IQCM: variants seen among roughly 807,000 people sequenced by gnomAD.
The protein encoded by IQCM is IQ motif containing M.
IQCM carries 45 observed loss-of-function variants against 57.6 expected under a neutral mutation model. The ratio of observed to expected loss-of-function variants is 0.78; its 90% CI spans 0.62 to 1.00. The LOEUF is 1.00. Among genes scored for constraint, IQCM ranks in the 50% least tolerant of loss-of-function variants. The pLI is 0.00. For missense variants in IQCM, 468 were observed against 511.6 expected (o/e 0.91, Z 0.82); for synonymous variants, 148 against 158.9 (o/e 0.93, Z 0.51).
At chr4:149,767,913 T>C (rs536321466) in intron 2 of IQCM, among the ~76,000 whole-genome samples, 6 of 152,272 alleles carry the variant, frequency 3.9e-5, no homozygotes, top group South Asian at 4.1e-4. Context: ...TGGACTTTTA[T>C]AAATATAAAT....
chr4:149,615,549 ACGTT>A (rs2150062698), intron 8 of IQCM, among the ~76,000 whole-genome samples: 1 of 152,294 alleles, frequency 6.6e-6, no homozygotes, highest in African/African-American at 2.4e-5. Context: ...CAGAAGTGAA[ACGTT>A]TAAAGCATAA....
At chr4:149,598,340 A>G (rs1753964815) in intron 8 of IQCM, among the ~76,000 whole-genome samples, 1 of 152,220 alleles carries the variant, frequency 6.6e-6, no homozygotes, top group African/African-American at 2.4e-5. Context: ...GTGTGGAATA[A>G]GAAAGTAGGG....
chr4:149,806,999 A>G (rs946527774), intron 2 of IQCM, among the ~76,000 whole-genome samples: 1 of 151,958 alleles, frequency 6.6e-6, no homozygotes, highest in African/African-American at 2.4e-5. Context: ...CACTGATAAA[A>G]TAAATTGAAG....
intron 7 of IQCM, among the ~76,000 whole-genome samples, chr4:149,662,468 A>AT (rs1014266394): frequency 6.6e-6 from 1 of 151,850 alleles, no homozygotes; most frequent in East Asian, 1.9e-4. Flanking sequence ...ATGTTTCTTT[A>AT]TTTTTTTATC....
At chr4:149,761,700 C>T (rs11723100) in intron 2 of IQCM, among the ~76,000 whole-genome samples, 1 of 151,822 alleles carries the variant, frequency 6.6e-6, no homozygotes, top group African/African-American at 2.4e-5. Context: ...ATAGTTCCTA[C>T]GAAGAGTCTC....
At chr4:149,578,927 T>G (rs1032898288) in intron 9 of IQCM, among the ~76,000 whole-genome samples, 1 of 151,764 alleles carries the variant, frequency 6.6e-6, no homozygotes, top group Non-Finnish European at 1.5e-5. Context: ...GGATCCTTTG[T>G]CCCCCTTCCC....
At chr4:149,668,536 C>T (rs903133904) in intron 7 of IQCM, among the ~76,000 whole-genome samples, 4 of 152,138 alleles carry the variant, frequency 2.6e-5, no homozygotes, top group South Asian at 2.1e-4. Context: ...GGAGGGATAA[C>T]GTTAGGGGAA....
At chr4:149,790,262 A>C in intron 2 of IQCM, 1 of 260,912 alleles carries the variant, frequency 3.8e-6, no homozygotes, top group Admixed American at 5.6e-5. Context: ...TGATCAAATA[A>C]TGTGATGATA....
intron 13 of IQCM, among the ~76,000 whole-genome samples, chr4:149,428,016 A>G (rs1734577009): frequency 1.3e-5 from 2 of 151,882 alleles, no homozygotes; most frequent in Non-Finnish European, 2.9e-5. Context: ...AACTTATCCA[A>G]ATTAGAATAG....
At chr4:149,702,420 A>G (rs1372873306) in intron 5 of IQCM, among the ~76,000 whole-genome samples, 1 of 151,906 alleles carries the variant, frequency 6.6e-6, no homozygotes, top group African/African-American at 2.4e-5. Flanking sequence ...AATCAAATAC[A>G]TAAATAAATG....
At position 149,368,755 on chromosome 4, in the gene IQCM, T is replaced by C. The variant is rs181010333; in HGVS notation, c.1391-16689A>G. ...GAAAGGCACAAATTATATATATACA[T>C]GTATATATATATATACATATATATA... is the stretch of plus-strand genomic sequence containing the variant. On this transcript the variant is annotated intron_variant, in intron 13 of 13. Transcript: ENST00000636793. 4.4e-3 allele frequency among the ~76,000 whole-genome samples: 433 copies of C among 99,304 alleles called. 18 individuals are homozygous for C. Among genetic ancestry groups the C allele is most frequent in the East Asian group, 0.011 (33 of 3,126 alleles). The allele number at this position is 99,304 out of a possible 152,430, so 65.1% of individuals were successfully genotyped here. A position where few individuals can be genotyped will look rare whatever the true frequency, so the allele number is the denominator to read the frequency against.
intron 7 of IQCM, among the ~76,000 whole-genome samples, chr4:149,661,125 C>T (rs1205333381): frequency 6.6e-6 from 1 of 151,984 alleles, no homozygotes; most frequent in African/African-American, 2.4e-5. Context: ...AGTTGAGGTA[C>T]ATATCTTCTA....
At position 149,546,319 on chromosome 4, in the gene IQCM, T is replaced by C. The variant is rs551322011; in HGVS notation, c.1228+2136A>G. ...TTATAGCAGCATGATTTATAATCCTTTGGGTATATATACCCAGTAATGGGA... is the reference window on the plus strand; with the variant it reads ...TTATAGCAGCATGATTTATAATCCTCTGGGTATATATACCCAGTAATGGGA... On this transcript the variant is annotated intron_variant, in intron 12 of 13. Coordinates refer to ENST00000636793, the MANE Select transcript of IQCM (RefSeq NM_001363507.2). Among the ~76,000 whole-genome samples the C allele has an allele frequency of 3.3e-3, 505 of 152,346 alleles. 2 individuals carry two copies. Among genetic ancestry groups the C allele is most frequent in the Middle Eastern group, 0.01 (3 of 294 alleles).
chr4:149,396,391 G>GA (rs934282105), intron 13 of IQCM, among the ~76,000 whole-genome samples: 5 of 150,902 alleles, frequency 3.3e-5, no homozygotes, highest in African/African-American at 7.3e-5. Context: ...TTTAAAAAAA[G>GA]AAAAAAAATA....
At chr4:149,623,578 C>T (rs1039209454) in intron 7 of IQCM, among the ~76,000 whole-genome samples, 1 of 152,186 alleles carries the variant, frequency 6.6e-6, no homozygotes, top group African/African-American at 2.4e-5. Context: ...CCAGTTTATT[C>T]CACAAAGTCA....
Position 149,727,016 on chromosome 4 carries a change from C to T in IQCM, c.385+6228G>A, listed in dbSNP as rs547320658. The stretch of plus-strand genomic sequence containing the variant: ...CTGTCCGCCTCGGCCTCCCAAAGTG[C>T]TGGGATTACAGGTGTGAGTCACCAC... On this transcript the variant is annotated intron_variant, in intron 5 of 13. Transcript: ENST00000636793. Among the ~76,000 whole-genome samples, 5 of 152,158 alleles carry T rather than the reference C, an allele frequency of 3.3e-5. No individual in the cohort carries two copies. In the East Asian group the frequency reaches 9.7e-4, roughly 29 times the overall value.
At chr4:149,568,677 G>A (rs1330133695) in intron 9 of IQCM, among the ~76,000 whole-genome samples, 1 of 152,116 alleles carries the variant, frequency 6.6e-6, no homozygotes, top group Non-Finnish European at 1.5e-5. Context: ...ACCATGGGAG[G>A]CTGAGGTGGG....
At chr4:149,468,189 C>A (rs1739076684) in intron 12 of IQCM, among the ~76,000 whole-genome samples, 1 of 152,210 alleles carries the variant, frequency 6.6e-6, no homozygotes, top group South Asian at 2.1e-4. Context: ...TCGCCTCACC[C>A]AGGAAGCACA....
chr4:149,541,605 G>T (rs1225571064), intron 12 of IQCM, among the ~76,000 whole-genome samples: 1 of 151,952 alleles, frequency 6.6e-6, no homozygotes, highest in Non-Finnish European at 1.5e-5. Context: ...GAATTTAAAT[G>T]AATATCAAGT....
Sources: allele counts gnomAD v4.1 joint callset (sites outside exome capture counted in the v4.1 genomes callset), GRCh38; gene constraint gnomAD v4.1.1; transcripts MANE v1.5; gene names NCBI Gene and HGNC (gene_info 2026-07-23, HGNC 2026-07-21).